ANOS1: variants seen among roughly 807,000 people sequenced by gnomAD.
ANOS1 encodes the protein anosmin 1, also known as anosmin-1.
In ANOS1, 6 loss-of-function variants were observed where a neutral mutation model predicts 59.0. The ratio of observed to expected loss-of-function variants is 0.10; its 90% CI spans 0.06 to 0.20. The LOEUF (loss-of-function observed/expected upper bound fraction) is 0.20. ANOS1 is among the 10% of genes least tolerant of loss of function. The pLI is 1.00. For missense variants in ANOS1, 433 were observed against 542.3 expected, an observed-to-expected ratio of 0.80 and a Z score of 2.00; for synonymous variants, 217 against 223.4, an observed-to-expected ratio of 0.97 and a Z score of 0.25.
At position 8,692,554 on chromosome X, in the gene ANOS1, C is replaced by T. The variant is rs765672715; in HGVS notation, c.255+7144G>A. Among the ~76,000 whole-genome samples, 8 of 111,132 alleles carry T rather than the reference C, an allele frequency of 7.2e-5. No individual in the cohort carries two copies. The East Asian group carries it at 2.3e-3, about 31-fold the overall frequency. ...CCTCCCCTCCTCACCCACACATATG[C>T]TTCTCCCCGATGCAGGGCATACAGC... On this transcript the variant is annotated intron_variant, in intron 2 of 13. Transcript: ENST00000262648.
chrX:8,671,423 A>T (rs912067309), intron 2 of ANOS1, among the ~76,000 whole-genome samples: 15 of 110,977 alleles, frequency 1.4e-4, no homozygotes, highest in African/African-American at 4.9e-4. Context: ...AACTGAGCAA[A>T]CACTGACTTC....
chrX:8,536,458 C>T (rs1286350566), intron 11 of ANOS1, among the ~76,000 whole-genome samples: 2 of 110,358 alleles, frequency 1.8e-5, no homozygotes, highest in Non-Finnish European at 3.8e-5. Context: ...GTATAACCCA[C>T]GCAGCAAAGG....
chrX:8,602,197 A>C (rs1930855644), intron 3 of ANOS1, among the ~76,000 whole-genome samples: 1 of 112,438 alleles, frequency 8.9e-6, no homozygotes, highest in Non-Finnish European at 1.9e-5. Flanking sequence ...ATTTGTTTGA[A>C]TATAAATTAG....
At chrX:8,713,514 G>C (rs1392922126) in intron 1 of ANOS1, among the ~76,000 whole-genome samples, 1 of 111,499 alleles carries the variant, frequency 9.0e-6, no homozygotes, top group Non-Finnish European at 1.9e-5. Context: ...GTCCAAATAT[G>C]GCTGATCCCC....
chrX:8,680,732 A>G (rs1932412506), intron 2 of ANOS1, among the ~76,000 whole-genome samples: 2 of 111,207 alleles, frequency 1.8e-5, no homozygotes, highest in Non-Finnish European at 3.8e-5. Context: ...GCACTAATCA[A>G]CTCTCATAAT....
chrX:8,699,400 T>C (rs758532256), intron 2 of ANOS1, among the ~76,000 whole-genome samples: 13 of 111,929 alleles, frequency 1.2e-4, no homozygotes, highest in Non-Finnish European at 2.3e-4. Context: ...TAACAGAAAA[T>C]TACAAACAAC....
chrX:8,545,405 A>AAGGAAGGC (rs919434317), intron 9 of ANOS1, among the ~76,000 whole-genome samples: 42 of 105,977 alleles, frequency 4.0e-4, no homozygotes, highest in Non-Finnish European at 6.4e-4. Flanking sequence ...GGAAGGAAGG[A>AAGGAAGGC]AGGAAGGCAG....
At chrX:8,692,311 A>G (rs12556774) in intron 2 of ANOS1, among the ~76,000 whole-genome samples, 28,542 of 111,186 alleles carry the variant, frequency 0.26, 3,342 homozygotes, top group East Asian at 0.61. Flanking sequence ...TTGTGCTGCA[A>G]CAACAGAGTT....
At chrX:8,709,607 G>A (rs1022719247) in intron 1 of ANOS1, among the ~76,000 whole-genome samples, 2 of 111,940 alleles carry the variant, frequency 1.8e-5, no homozygotes, top group Non-Finnish European at 3.8e-5. Context: ...CAAAGAGTAT[G>A]ACATGATGCG....
chrX:8,675,258 T>C (rs1350608478), intron 2 of ANOS1, among the ~76,000 whole-genome samples: 1 of 112,032 alleles, frequency 8.9e-6, no homozygotes, highest in African/African-American at 3.2e-5. Context: ...TTTTGTAACA[T>C]AATGTATTCC....
intron 1 of ANOS1, among the ~76,000 whole-genome samples, chrX:8,705,558 C>T (rs1003339238): frequency 2.7e-5 from 3 of 111,375 alleles, no homozygotes; most frequent in Admixed American, 9.7e-5. Context: ...CCAATAAACC[C>T]CCGATTAATG....
intron 1 of ANOS1, among the ~76,000 whole-genome samples, chrX:8,708,570 C>G (rs189023215): frequency 7.3e-4 from 82 of 112,014 alleles, no homozygotes; most frequent in Non-Finnish European, 1.1e-3. Context: ...GAGATACCAT[C>G]TCACACCAGT....
intron 2 of ANOS1, among the ~76,000 whole-genome samples, chrX:8,639,947 A>C (rs1931631860): frequency 2.7e-5 from 3 of 110,789 alleles, no homozygotes; most frequent in African/African-American, 9.8e-5. Flanking sequence ...CACCCAGAGG[A>C]CTAAATGAAC....
intron 2 of ANOS1, among the ~76,000 whole-genome samples, chrX:8,693,652 T>C (rs890820963): frequency 1.8e-5 from 2 of 109,535 alleles, no homozygotes; most frequent in African/African-American, 6.7e-5. Context: ...ACACAAATGC[T>C]CTAATGGGCA....
At chrX:8,594,781 A>C (rs1930705214) in intron 4 of ANOS1, among the ~76,000 whole-genome samples, 1 of 91,065 alleles carries the variant, frequency 1.1e-5, no homozygotes, top group African/African-American at 4.0e-5. Flanking sequence ...TTTTTTGCAA[A>C]ATAACAATCT....
chrX:8,599,556 C>T (rs939785504), intron 3 of ANOS1, among the ~76,000 whole-genome samples: 20 of 111,889 alleles, frequency 1.8e-4, no homozygotes, highest in African/African-American at 5.5e-4. Flanking sequence ...TGGGTAACAC[C>T]GGGTCATCCC....
chrX:8,726,560 A>G (rs763754037), intron 1 of ANOS1, among the ~76,000 whole-genome samples: 18 of 111,889 alleles, frequency 1.6e-4, no homozygotes, highest in Non-Finnish European at 3.2e-4. Context: ...CTTTTCCTCA[A>G]ACCCTACTGT....
chrX:8,592,488 T>C (rs985415974), intron 4 of ANOS1, among the ~76,000 whole-genome samples: 2 of 112,293 alleles, frequency 1.8e-5, no homozygotes, highest in African/African-American at 6.5e-5. Flanking sequence ...TTAGTCTGAA[T>C]CTTTACGTTT....
chrX:8,698,373 G>T (rs1252281284), intron 2 of ANOS1, among the ~76,000 whole-genome samples: 1 of 111,834 alleles, frequency 8.9e-6, no homozygotes, highest in East Asian at 2.8e-4. Context: ...TTTCTTGATG[G>T]AATATGGAAA....
Sources: gnomAD v4.1 joint callset for allele counts (sites outside exome capture counted in the v4.1 genomes callset) on GRCh38, gnomAD v4.1.1 for gene constraint, MANE v1.5 for transcripts, NCBI Gene and HGNC (gene_info 2026-07-23, HGNC 2026-07-21) for gene names.